Variants in PRKN observed in about 807,000 individuals in gnomAD.
PRKN encodes the protein parkin RBR E3 ubiquitin protein ligase, also known as E3 ubiquitin-protein ligase parkin.
PRKN carries 56 observed loss-of-function variants against 59.5 expected under a neutral mutation model. The ratio of observed to expected loss-of-function variants is 0.94; its 90% CI spans 0.76 to 1.18. PRKN has a LOEUF of 1.18. PRKN is among the 50% of genes most tolerant of loss of function. The pLI, the probability that PRKN is intolerant of heterozygous loss-of-function variation, is 0.00. For synonymous variants in PRKN, 250 were observed against 222.1 expected (o/e 1.13, Z -1.12); for missense variants, 657 against 596.4 (o/e 1.10, Z -1.06).
chr6:161,789,968 A>ATG (rs1186379058), intron 6 of PRKN, among the ~76,000 whole-genome samples: 8 of 152,070 alleles, frequency 5.3e-5, no homozygotes, highest in African/African-American at 1.9e-4. Flanking sequence ...TAGTAAATGC[A>ATG]TGTGGACTAC....
chr6:162,641,067 T>C (rs1202485869), intron 1 of PRKN, among the ~76,000 whole-genome samples: 1 of 152,148 alleles, frequency 6.6e-6, no homozygotes, highest in Non-Finnish European at 1.5e-5. Context: ...ACTGACAATT[T>C]CCAGGGTCTT....
At chr6:161,492,744 G>A (rs2115276067) in intron 9 of PRKN, among the ~76,000 whole-genome samples, 1 of 152,286 alleles carries the variant, frequency 6.6e-6, no homozygotes, top group South Asian at 2.1e-4. Flanking sequence ...ACAGAGAAGT[G>A]GGTACTGGTG....
chr6:162,550,320 A>G (rs1779288234), intron 1 of PRKN, among the ~76,000 whole-genome samples: 2 of 152,210 alleles, frequency 1.3e-5, no homozygotes, highest in African/African-American at 4.8e-5. Context: ...AGGGAGAAAG[A>G]AATAGAGCGT....
chr6:161,660,001 T>C (rs1198884892), intron 7 of PRKN, among the ~76,000 whole-genome samples: 5 of 152,142 alleles, frequency 3.3e-5, no homozygotes. Flanking sequence ...AACAATTAAA[T>C]GAGATGATGT....
Position 161,567,022 on chromosome 6 carries a change from G to GTT in PRKN, c.933+2331_933+2332dup, listed in dbSNP as rs71917520. 7.1e-3 allele frequency among the ~76,000 whole-genome samples: 614 copies of GTT among 86,870 alleles called. 2 individuals carry two copies. The highest frequency in any genetic ancestry group is 0.013 in the African/African-American group (250 of 19,956). 57.0% of individuals were successfully genotyped at this position (86,870 alleles called of 152,430 possible). A position where few individuals can be genotyped will look rare whatever the true frequency, so the allele number is the denominator to read the frequency against. On this transcript the variant is annotated intron_variant, in intron 8 of 11. Coordinates refer to ENST00000366898, the MANE Select transcript of PRKN (RefSeq NM_004562.3). ...TCTTCCTCCAGTATTCACTGTCCTT[G>GTT]TTTTTTTTTTTTTTTTGTGTGTGTG...
chr6:162,360,589 AAAAC>A (rs1438068685), intron 2 of PRKN, among the ~76,000 whole-genome samples: 19 of 152,198 alleles, frequency 1.2e-4, no homozygotes, highest in African/African-American at 4.6e-4. Context: ...TGTTCTTTAA[AAAAC>A]AAACAAAAAA....
At chr6:161,657,334 T>A (rs948223507) in intron 7 of PRKN, among the ~76,000 whole-genome samples, 1 of 152,096 alleles carries the variant, frequency 6.6e-6, no homozygotes, top group Non-Finnish European at 1.5e-5. Context: ...CTTTTAGACA[T>A]AATTAGTTTT....
At chr6:161,750,713 G>A (rs1223234108) in intron 7 of PRKN, among the ~76,000 whole-genome samples, 1 of 148,876 alleles carries the variant, frequency 6.7e-6, no homozygotes, top group Non-Finnish European at 1.5e-5. Flanking sequence ...GTTGCAGTGA[G>A]CCGAGATCAC....
intron 7 of PRKN, among the ~76,000 whole-genome samples, chr6:161,736,894 T>C (rs1787986964): frequency 6.6e-6 from 1 of 152,216 alleles, no homozygotes; most frequent in Non-Finnish European, 1.5e-5. Context: ...GAGGCTTCAA[T>C]GGCCTGAGTC....
intron 1 of PRKN, among the ~76,000 whole-genome samples, chr6:162,504,619 A>C (rs1793525085): frequency 6.6e-6 from 1 of 152,212 alleles, no homozygotes; most frequent in Non-Finnish European, 1.5e-5. Context: ...GTTAACATTT[A>C]AGAGAGAAAT....
intron 1 of PRKN, among the ~76,000 whole-genome samples, chr6:162,548,322 G>A (rs1025761165): frequency 3.9e-5 from 6 of 152,074 alleles, no homozygotes; most frequent in South Asian, 2.1e-4. Context: ...CTCCCAAAGC[G>A]CTGAAATTAC....
intron 7 of PRKN, among the ~76,000 whole-genome samples, chr6:161,616,015 C>G (rs1782679545): frequency 6.6e-6 from 1 of 152,162 alleles, no homozygotes; most frequent in Non-Finnish European, 1.5e-5. Flanking sequence ...TCAGGGTCTC[C>G]CGTCTCTCTT....
chr6:162,583,852 T>C (rs986745000), intron 1 of PRKN, among the ~76,000 whole-genome samples: 13 of 152,144 alleles, frequency 8.5e-5, no homozygotes, highest in African/African-American at 3.1e-4. Context: ...ACCACTATCC[T>C]CTGAAACCTT....
chr6:162,139,944 T>C lies in PRKN; in HGVS notation c.534+61187A>G, dbSNP rs146530867. 2.7e-3 allele frequency among the ~76,000 whole-genome samples: 416 copies of C among 152,120 alleles called. 1 individual carries two copies. The highest frequency in any genetic ancestry group is 9.7e-3 in the African/African-American group (401 of 41,496). On this transcript the variant is annotated intron_variant, in intron 4 of 11. Coordinates refer to ENST00000366898, the MANE Select transcript of PRKN (RefSeq NM_004562.3). ...AGGATACTGAATAAATGCTACTTAG[T>C]ACAAATGTCCAAATATAGGAAAGTC...
chr6:162,674,404 T>G (rs928365489), intron 1 of PRKN, among the ~76,000 whole-genome samples: 13 of 152,140 alleles, frequency 8.5e-5, no homozygotes, highest in Admixed American at 5.2e-4. Flanking sequence ...AATATCACAT[T>G]AAAAGTGATG....
At chr6:162,330,407 T>C (rs1465588138) in intron 2 of PRKN, among the ~76,000 whole-genome samples, 6 of 152,182 alleles carry the variant, frequency 3.9e-5, no homozygotes, top group Admixed American at 3.9e-4. Context: ...TATCTGGTAT[T>C]TGTGCAGTAG....
chr6:161,435,843 G>A (rs1387115367), intron 9 of PRKN, among the ~76,000 whole-genome samples: 1 of 130,324 alleles, frequency 7.7e-6, no homozygotes, highest in African/African-American at 3.0e-5. Context: ...TCCTCATGAA[G>A]TGTGTGGTTT....
At chr6:162,419,813 GAGAA>G (rs1788859249) in intron 2 of PRKN, among the ~76,000 whole-genome samples, 9 of 152,076 alleles carry the variant, frequency 5.9e-5, no homozygotes, top group African/African-American at 1.7e-4. Flanking sequence ...GACAGAGAAA[GAGAA>G]AGAGAGAGAG....
intron 2 of PRKN, among the ~76,000 whole-genome samples, chr6:162,425,305 C>T (rs538444307): frequency 2.6e-5 from 4 of 152,202 alleles, no homozygotes; most frequent in East Asian, 1.9e-4. Context: ...CAGCCTGCCA[C>T]GAAGCAGCCC....
Sources: allele counts gnomAD v4.1 joint callset (sites outside exome capture counted in the v4.1 genomes callset), GRCh38; gene constraint gnomAD v4.1.1; transcripts MANE v1.5; gene names NCBI Gene and HGNC (gene_info 2026-07-23, HGNC 2026-07-21).